The following DIP2A variants were observed in gnomAD, a reference collection of about 807,000 sequenced individuals.
DIP2A encodes DIP2 acetate--CoA ligase A.
A neutral mutation model predicts 177.4 loss-of-function variants in DIP2A; 85 were observed. That is an observed-to-expected ratio of 0.48 (90% confidence interval 0.40 to 0.57). The LOEUF (loss-of-function observed/expected upper bound fraction) is 0.57. DIP2A is among the 20% of genes least tolerant of loss of function. The pLI is 0.00. For missense variants in DIP2A, 1,791 were observed against 2,100.2 expected, an observed-to-expected ratio of 0.85 and a Z score of 2.88; for synonymous variants, 886 against 881.8, an observed-to-expected ratio of 1.00 and a Z score of -0.08.
Position 46,545,946 on chromosome 21 carries a change from G to T in DIP2A, c.2379G>T (p.Leu793=). The T allele has an allele frequency of 6.2e-7, 1 of 1,614,014 alleles. No homozygotes were observed. The highest frequency in any genetic ancestry group is 8.5e-7 in the Non-Finnish European group (1 of 1,179,898). The part of the protein sequence containing the change: ...FDRPFTRTGL[L]GFIGPDNLVF... ...GGCCATTCACCAGGACAGGCCTGCT[G>T]GGCTTCATCGGGCCTGTGAGTATGT... Residue 793 remains leucine (L), a synonymous_variant, in exon 20 of 38, where the codon CTG becomes CTT. Transcript: ENST00000417564.
chr21:46,533,751 C>T (rs1601713067), intron 11 of DIP2A, 104 bp downstream of exon 11: 3 of 1,508,794 alleles, frequency 2.0e-6, no homozygotes, highest in East Asian at 4.5e-5. Flanking sequence ...GGGTCTTCAG[C>T]AAAAGTGATC....
intron 9 of DIP2A, 46 bp from the exon 10 acceptor site, chr21:46,532,081 G>A (rs973066012): frequency 6.4e-7 from 1 of 1,552,706 alleles, no homozygotes; most frequent in African/African-American, 1.4e-5. Flanking sequence ...ACTAGATATT[G>A]TAAAAATTGG....
intron 5 of DIP2A, among the ~76,000 whole-genome samples, chr21:46,501,793 A>G (rs1026882412): frequency 6.6e-6 from 1 of 152,132 alleles, no homozygotes. Flanking sequence ...TTTTCCATAT[A>G]TACTTTTAAA....
intron 3 of DIP2A, among the ~76,000 whole-genome samples, chr21:46,495,179 TTTCTC>T (rs373831760): frequency 0.042 from 3,066 of 72,214 alleles, 218 homozygotes; most frequent in Non-Finnish European, 0.057. Context: ...TCTTTCGCTT[TTTCTC>T]TTCTCTTCTC....
At chr21:46,481,230 C>G (rs985299402) in intron 1 of DIP2A, among the ~76,000 whole-genome samples, 1 of 151,980 alleles carries the variant, frequency 6.6e-6, no homozygotes, top group African/African-American at 2.4e-5. Flanking sequence ...TGTAACCTTT[C>G]GAGAATGGCT....
chr21:46,532,505 A>G (rs1007379026), intron 10 of DIP2A, among the ~76,000 whole-genome samples: 5 of 152,200 alleles, frequency 3.3e-5, no homozygotes, highest in Non-Finnish European at 4.4e-5. Context: ...CTGTTCTATC[A>G]TCTACATGAA....
intron 2 of DIP2A, among the ~76,000 whole-genome samples, chr21:46,489,097 ACG>A (rs1288387464): frequency 6.6e-6 from 1 of 152,102 alleles, no homozygotes; most frequent in Non-Finnish European, 1.5e-5. Context: ...ACACAAACAC[ACG>A]TGTGTGTGTG....
At chr21:46,518,369 C>G (rs1485032128) in intron 8 of DIP2A, among the ~76,000 whole-genome samples, 1 of 152,124 alleles carries the variant, frequency 6.6e-6, no homozygotes, top group Non-Finnish European at 1.5e-5. Flanking sequence ...TGTGGGTGGG[C>G]CCTACCTGCT....
At chr21:46,558,742 TGTG>T (rs951944142) in intron 32 of DIP2A, 12 of 276,988 alleles carry the variant, frequency 4.3e-5, no homozygotes, top group African/African-American at 2.5e-4. Flanking sequence ...CATTAATAAA[TGTG>T]GTAATTTGTG....
Position 46,498,872 on chromosome 21 carries a change from C to A in DIP2A, c.655+39C>A. The A allele has an allele frequency of 6.4e-7, 1 of 1,572,476 alleles. No homozygotes were observed. Among genetic ancestry groups the A allele is most frequent in the Non-Finnish European group, 8.6e-7 (1 of 1,157,436 alleles). On this transcript the variant is annotated intron_variant, in intron 5 of 37. Coordinates refer to ENST00000417564, the MANE Select transcript of DIP2A (RefSeq NM_015151.4). This position sits in a 1 kb window ranked among gnomAD's most constrained non-coding sequence, Gnocchi z 4.3. ...TGCTGCGGCCCCTGTGCCAGCAGAG[C>A]GGGGTCAGGAGTGTCCAGGACAGAG...
chr21:46,464,388 C>A (rs576378774), intron 1 of DIP2A, among the ~76,000 whole-genome samples: 1 of 152,094 alleles, frequency 6.6e-6, no homozygotes, highest in East Asian at 1.9e-4. Flanking sequence ...AGCGAAACTT[C>A]GTCTCAAAAA....
chr21:46,539,863 G>T lies in DIP2A; in HGVS notation c.1922-14G>T, dbSNP rs1386781431. On this transcript the variant is annotated splice_polypyrimidine_tract_variant and intron_variant, in intron 16 of 37. Coordinates refer to ENST00000417564, the MANE Select transcript of DIP2A (RefSeq NM_015151.4). ...CAGTTAGTGCTGGCGTTCCACTCTT[G>T]TTGCTCTGTGCAGGGTCGATCTCCT... The T allele has an allele frequency of 6.2e-7, 1 of 1,608,384 alleles. No individual in the cohort carries two copies. Among genetic ancestry groups the T allele is most frequent in the Admixed American group, 1.7e-5 (1 of 60,004 alleles).
rs1209378948 is a variant in DIP2A at position 46,504,471 on chromosome 21, A to G, written c.766A>G (p.Met256Val). 5 of 1,610,838 alleles carry G rather than the reference A, an allele frequency of 3.1e-6. No individual in the cohort carries two copies. Among genetic ancestry groups the G allele is most frequent in the Non-Finnish European group, 3.4e-6 (4 of 1,178,216 alleles). ...RSVPRGCSGS[M>V]LETADGVPVN... ...TGTTCCTCGGGGGTGCAGCGGGAGC[A>G]TGCTGGAAACAGCAGATGGTGAGCC... Residue 256 changes from methionine to valine, a missense_variant, in exon 6 of 38, where the codon ATG becomes GTG. Met to Val is a conservative substitution (Grantham distance 21, BLOSUM62 1). Transcript: ENST00000417564.
At chr21:46,496,574 A>G (rs915729768) in intron 3 of DIP2A, among the ~76,000 whole-genome samples, 1 of 152,224 alleles carries the variant, frequency 6.6e-6, no homozygotes, top group African/African-American at 2.4e-5. Context: ...ATAAGCTAAA[A>G]AAAATTGCAA....
rs1357990668 is a variant in DIP2A, at chr21:46,557,505, G to GT, written c.3630-79dup. The stretch of plus-strand genomic sequence containing the variant: ...TGCCCCTGTTGTGGCTGGAAAAGAA[G>GT]TGTTCTTGAGGAAGGGAAGAGTGGA... On this transcript the variant is annotated intron_variant, in intron 30 of 37. Coordinates refer to ENST00000417564, the MANE Select transcript of DIP2A (RefSeq NM_015151.4). The surrounding 1 kb of genome is among the most constrained non-coding windows in gnomAD (Gnocchi z 6.0). 9 of 1,467,612 alleles carry GT rather than the reference G, an allele frequency of 6.1e-6. No homozygotes were observed. The East Asian group carries it at 2.2e-4, about 36-fold the overall frequency. 90.9% of individuals were successfully genotyped at this position (1,467,612 alleles called of 1,614,324 possible). A position where few individuals can be genotyped will look rare whatever the true frequency, so the allele number is the denominator to read the frequency against.
At position 46,545,381 on chromosome 21, in the gene DIP2A, CCTT is replaced by C. The variant is rs1232105972; in HGVS notation, c.2313+110_2313+112del. 2.2e-6 allele frequency: 3 copies of C among 1,335,742 alleles called. No homozygotes were observed. The African/African-American group carries it at 4.4e-5, about 20-fold the overall frequency. The allele number at this position is 1,335,742 out of a possible 1,614,324, so 82.7% of individuals were successfully genotyped here. A position where few individuals can be genotyped will look rare whatever the true frequency, so the allele number is the denominator to read the frequency against. ...ATTGCAGAGGCTGCGGGGATGGTCTCCTTCCACACAGGCGCTGCTGGGGCTGTT... is the reference window on the plus strand; with the variant it reads ...ATTGCAGAGGCTGCGGGGATGGTCTCCCACACAGGCGCTGCTGGGGCTGTT... On this transcript the variant is annotated intron_variant, in intron 19 of 37. Coordinates refer to ENST00000417564, the MANE Select transcript of DIP2A (RefSeq NM_015151.4).
At chr21:46,516,829 T>C (rs573335357) in intron 8 of DIP2A, among the ~76,000 whole-genome samples, 2 of 152,166 alleles carry the variant, frequency 1.3e-5, no homozygotes, top group South Asian at 2.1e-4. Flanking sequence ...CCTGATGAGT[T>C]CCTTATTTTA....
chr21:46,543,138 C>T (rs1248511779), intron 18 of DIP2A, among the ~76,000 whole-genome samples: 2 of 151,584 alleles, frequency 1.3e-5, no homozygotes, highest in African/African-American at 2.4e-5. Flanking sequence ...CAGTCTTGCA[C>T]GGTGCTTGAA....
Position 46,538,463 on chromosome 21 carries a change from G to A in DIP2A, c.1802-20G>A. 1 of 1,541,000 alleles carries A rather than the reference G, an allele frequency of 6.5e-7. No homozygotes were observed. Among genetic ancestry groups the A allele is most frequent in the South Asian group, 1.2e-5 (1 of 84,014 alleles). On this transcript the variant is annotated intron_variant, in intron 15 of 37. Transcript: ENST00000417564. ...CAGTCCTTGTGACGCAGGGATGTCT[G>A]TGCCATCCTCTCTCTGCAGCTCGGG...
Sources: allele counts gnomAD v4.1 joint callset (sites outside exome capture counted in the v4.1 genomes callset), GRCh38; gene constraint gnomAD v4.1.1; non-coding constraint Gnocchi (gnomAD v3.1); transcripts MANE v1.5; gene names NCBI Gene and HGNC (gene_info 2026-07-23, HGNC 2026-07-21).